Variants in LARP4B observed in about 807,000 individuals in gnomAD.
The protein encoded by LARP4B is La ribonucleoprotein 4B, also known as la-related protein 4B.
Under a neutral mutation model 89.8 loss-of-function variants are expected in LARP4B, and 12 were observed. The observed-to-expected ratio is 0.13, with a 90% CI of 0.09 to 0.22. The LOEUF (loss-of-function observed/expected upper bound fraction) is 0.22. Among genes scored for constraint, LARP4B ranks in the 10% least tolerant of loss-of-function variants. The probability of loss-of-function intolerance (pLI) is 1.00; values close to 1 mark genes in which losing one functional copy is unlikely to be tolerated. For missense variants in LARP4B, 757 were observed against 947.7 expected (o/e 0.80, Z 2.64); for synonymous variants, 367 against 363.3 (o/e 1.01, Z -0.12).
chr10:856,926 C>A (rs1258237702), intron 5 of LARP4B, among the ~76,000 whole-genome samples: 2 of 151,954 alleles, frequency 1.3e-5, no homozygotes, highest in Non-Finnish European at 2.9e-5. Context: ...GTCATGCTGC[C>A]CCACCTAAGA....
intron 7 of LARP4B, among the ~76,000 whole-genome samples, chr10:842,268 G>C (rs1380893889): frequency 6.6e-6 from 1 of 151,804 alleles, no homozygotes; most frequent in Non-Finnish European, 1.5e-5. Flanking sequence ...CACAATCTCA[G>C]CTAACTGCAA....
chr10:818,034 T>TCC (rs1180943880), intron 14 of LARP4B, 145 bp from the exon 15 acceptor site: 1 of 757,958 alleles, frequency 1.3e-6, no homozygotes, highest in African/African-American at 1.8e-5. Context: ...TTGAAGGTTC[T>TCC]CCCAAGCAAC....
In LARP4B at chr10:814,916, C is replaced by G; in HGVS notation, c.1820+30G>C. 1.9e-6 allele frequency: 3 copies of G among 1,577,518 alleles called. No individual in the cohort carries two copies. Among genetic ancestry groups the G allele is most frequent in the Non-Finnish European group, 2.6e-6 (3 of 1,157,030 alleles). On this transcript the variant is annotated intron_variant, in intron 16 of 17. Transcript: ENST00000316157. The surrounding 1 kb of genome is among the most constrained non-coding windows in gnomAD (Gnocchi z 4.4). ...CACAGGCCATTCAAGTCAGTCAACA[C>G]CAAGGCGCTGGAAGAACACCAATAC...
In LARP4B at chr10:814,598, C is replaced by G. The variant is rs1004505727; in HGVS notation, c.1929+144G>C. On this transcript the variant is annotated intron_variant, in intron 17 of 17. Coordinates refer to ENST00000316157, the MANE Select transcript of LARP4B (RefSeq NM_015155.3). The surrounding 1 kb of genome is among the most constrained non-coding windows in gnomAD (Gnocchi z 4.4). ...TAGCAAATATTAAAGGTATTTTGTA[C>G]AGAAAACACAACACAGACAGACGCA... 3.9e-6 allele frequency: 6 copies of G among 1,527,666 alleles called. No individual in the cohort carries two copies. The African/African-American group carries it at 6.9e-5, about 18-fold the overall frequency. The allele number at this position is 1,527,666 out of a possible 1,614,324, so 94.6% of individuals were successfully genotyped here.
rs565146095 is a variant in LARP4B at position 885,860 on chromosome 10, C to T, written c.-39-100G>A. On this transcript the variant is annotated intron_variant, in intron 1 of 17. Coordinates refer to ENST00000316157, the MANE Select transcript of LARP4B (RefSeq NM_015155.3). The stretch of plus-strand genomic sequence containing the variant: ...CAAGTTTTCCAGGACACACGTTTAT[C>T]CCTCTGAATTCAAAAAAGTTTAAAG... 7 of 574,262 alleles carry T rather than the reference C, an allele frequency of 1.2e-5. No homozygotes were observed. In the South Asian group the frequency reaches 1.8e-4, roughly 15 times the overall value. The allele number at this position is 574,262 out of a possible 1,614,324, so 35.6% of individuals were successfully genotyped here.
chr10:901,494 T>A (rs1836344201), intron 1 of LARP4B, among the ~76,000 whole-genome samples: 1 of 152,228 alleles, frequency 6.6e-6, no homozygotes, highest in South Asian at 2.1e-4. Context: ...CTCAAGTGAA[T>A]CTGTAAGCTT....
intron 1 of LARP4B, chr10:903,278 A>C (rs1471038526): frequency 6.6e-6 from 1 of 152,220 alleles, no homozygotes; most frequent in African/African-American, 2.4e-5. Flanking sequence ...GATGGCAAAC[A>C]AAGTATACCC....
chr10:930,707 T>C (rs1415091861), intron 1 of LARP4B, among the ~76,000 whole-genome samples: 4 of 152,146 alleles, frequency 2.6e-5, no homozygotes, highest in African/African-American at 9.7e-5. Context: ...CATCTGACTT[T>C]ATTTTTTTAA....
At chr10:864,521 G>A (rs1217821946) in intron 3 of LARP4B, among the ~76,000 whole-genome samples, 1 of 151,812 alleles carries the variant, frequency 6.6e-6, no homozygotes, top group East Asian at 1.9e-4. Flanking sequence ...GGAAGGACAC[G>A]CCTGCCACCA....
chr10:871,223 T>A (rs958341869), intron 3 of LARP4B, among the ~76,000 whole-genome samples: 1 of 152,194 alleles, frequency 6.6e-6, no homozygotes, highest in Non-Finnish European at 1.5e-5. Context: ...TATTTCACCC[T>A]CTGTTTTGTC....
chr10:968,203 T>C, the LARP4B span, among the ~76,000 whole-genome samples: 1 of 152,298 alleles, frequency 6.6e-6, no homozygotes, highest in South Asian at 2.1e-4. Context: ...ACCTGGTAAT[T>C]GGTAATTTGT....
At chr10:964,927 G>A in the LARP4B span, among the ~76,000 whole-genome samples, 9 of 152,336 alleles carry the variant, frequency 5.9e-5, no homozygotes, top group African/African-American at 1.9e-4. Context: ...CAGGAGCCCT[G>A]GGAGTGAGGC....
chr10:900,420 CTT>C (rs529963345), intron 1 of LARP4B, among the ~76,000 whole-genome samples: 3 of 45,244 alleles, frequency 6.6e-5, no homozygotes, highest in African/African-American at 2.6e-4. Flanking sequence ...AGAAGGATGT[CTT>C]TTTTTTTTTT....
intron 14 of LARP4B, chr10:820,091 G>A (rs115715502): frequency 1.3e-5 from 2 of 151,414 alleles, no homozygotes; most frequent in East Asian, 3.9e-4. Context: ...TGGTTCATGG[G>A]TACTGCTAAC....
intron 14 of LARP4B, 102 bp from the exon 15 acceptor site, chr10:817,991 T>C: frequency 8.4e-7 from 1 of 1,196,810 alleles, no homozygotes; most frequent in South Asian, 1.5e-5. Context: ...AACAAGCAGA[T>C]CATTCAACCC....
At chr10:807,243 A>C (rs1831589961), downstream of LARP4B, 1 of 152,298 alleles carries the variant, frequency 6.6e-6, no homozygotes, top group Non-Finnish European at 1.5e-5. Flanking sequence ...GACAGGGGTG[A>C]GGAACAGGCT....
At chr10:921,282 A>G (rs1836970436) in intron 1 of LARP4B, among the ~76,000 whole-genome samples, 1 of 152,144 alleles carries the variant, frequency 6.6e-6, no homozygotes, top group African/African-American at 2.4e-5. Context: ...TCAAAAAAAA[A>G]AAGAAAAAGA....
the LARP4B span, among the ~76,000 whole-genome samples, chr10:977,491 A>T: frequency 6.6e-6 from 1 of 151,578 alleles, no homozygotes; most frequent in African/African-American, 2.4e-5. Context: ...GTGAGCCAAG[A>T]TAGTGCCACT....
upstream of LARP4B, chr10:933,090 T>C (rs1340185092): frequency 2.0e-5 from 3 of 152,230 alleles, no homozygotes; most frequent in African/African-American, 7.2e-5. Context: ...CTGATCAGTT[T>C]ATGGAAGAAA....
Sources: gnomAD v4.1 joint callset for allele counts (sites outside exome capture counted in the v4.1 genomes callset) on GRCh38, gnomAD v4.1.1 for gene constraint, Gnocchi (gnomAD v3.1) non-coding constraint, MANE v1.5 for transcripts, NCBI Gene and HGNC (gene_info 2026-07-23, HGNC 2026-07-21) for gene names.